Variants in GPR176 observed in about 807,000 individuals in gnomAD.
GPR176 encodes the protein G protein-coupled receptor 176.
A neutral mutation model predicts 35.4 loss-of-function variants in GPR176; 26 were observed. The observed-to-expected ratio is 0.74, with a 90% CI of 0.54 to 1.02. The LOEUF (loss-of-function observed/expected upper bound fraction) is 1.02. Among genes scored for constraint, GPR176 ranks in the 50% least tolerant of loss-of-function variants. The pLI, the probability that GPR176 is intolerant of heterozygous loss-of-function variation, is 0.00. For missense variants in GPR176, 597 were observed against 665.3 expected, an observed-to-expected ratio of 0.90 and a Z score of 1.13; for synonymous variants, 278 against 271.3, an observed-to-expected ratio of 1.02 and a Z score of -0.24.
intron 1 of GPR176, 78 bp downstream of exon 1, chr15:39,919,777 T>C: frequency 8.4e-7 from 1 of 1,188,204 alleles, no homozygotes; most frequent in Non-Finnish European, 1.1e-6. Flanking sequence ...CCACGGCGGC[T>C]GGGCGGCCCT....
intron 2 of GPR176, among the ~76,000 whole-genome samples, chr15:39,804,460 G>C (rs1899073776): frequency 6.6e-6 from 1 of 152,116 alleles, no homozygotes; most frequent in Non-Finnish European, 1.5e-5. Context: ...ATTTACAATA[G>C]CTTTTCTGCT....
intron 1 of GPR176, among the ~76,000 whole-genome samples, chr15:39,850,983 G>A (rs759284395): frequency 9.2e-5 from 14 of 152,042 alleles, no homozygotes; most frequent in Non-Finnish European, 1.8e-4. Flanking sequence ...AAGTAGATAC[G>A]GGACATATAG....
chr15:39,895,653 T>C (rs1204829520), intron 1 of GPR176, among the ~76,000 whole-genome samples: 1 of 152,176 alleles, frequency 6.6e-6, no homozygotes, highest in Non-Finnish European at 1.5e-5. Context: ...TGTAAAAGCT[T>C]ATTTTCCCTT....
chr15:39,888,783 A>C (rs2032762135), intron 1 of GPR176, among the ~76,000 whole-genome samples: 1 of 152,142 alleles, frequency 6.6e-6, no homozygotes, highest in Admixed American at 6.5e-5. Context: ...CGATTCTTAG[A>C]CACAATTTCC....
chr15:39,905,249 T>C (rs1235405935), intron 1 of GPR176, among the ~76,000 whole-genome samples: 1 of 152,188 alleles, frequency 6.6e-6, no homozygotes, highest in Non-Finnish European at 1.5e-5. Context: ...TATTATGTAC[T>C]AAATTGAGAG....
At chr15:39,891,106 A>G (rs2032856010) in intron 1 of GPR176, among the ~76,000 whole-genome samples, 1 of 152,228 alleles carries the variant, frequency 6.6e-6, no homozygotes, top group South Asian at 2.1e-4. Flanking sequence ...TTATGCTTTT[A>G]GATATTATAC....
chr15:39,810,879 A>G (rs1175343139), intron 1 of GPR176, among the ~76,000 whole-genome samples: 1 of 152,220 alleles, frequency 6.6e-6, no homozygotes, highest in East Asian at 1.9e-4. Flanking sequence ...CAGTAACCCC[A>G]TAATAGAAGA....
chr15:39,812,171 T>C (rs1420945602), intron 1 of GPR176, among the ~76,000 whole-genome samples: 1 of 152,228 alleles, frequency 6.6e-6, no homozygotes, highest in Admixed American at 6.5e-5. Context: ...TAATGGTTAA[T>C]ACTAAATGTC....
chr15:39,881,318 C>A (rs1358379012), intron 1 of GPR176, among the ~76,000 whole-genome samples: 1 of 152,214 alleles, frequency 6.6e-6, no homozygotes, highest in Non-Finnish European at 1.5e-5. Context: ...ATTTAGCATT[C>A]AATTAATGCT....
chr15:39,800,849 A>G lies in GPR176; in HGVS notation c.*283T>C. On this transcript the variant is annotated 3_prime_UTR_variant, in exon 3 of 3. Coordinates refer to ENST00000561100, the MANE Select transcript of GPR176 (RefSeq NM_007223.3). Reference sequence around the variant, plus strand: ...CTCAGAAAGTGCACATGGGGTACCCACCTCAAGACCCATTCAAAACTGCCC... The same window carrying G: ...CTCAGAAAGTGCACATGGGGTACCCGCCTCAAGACCCATTCAAAACTGCCC... 1 of 328,970 alleles carries G rather than the reference A, an allele frequency of 3.0e-6. No homozygotes were observed. Among genetic ancestry groups the G allele is most frequent in the South Asian group, 3.5e-5 (1 of 28,174 alleles). The allele number at this position is 328,970 out of a possible 1,614,324, so 20.4% of individuals were successfully genotyped here. A position where few individuals can be genotyped will look rare whatever the true frequency, so the allele number is the denominator to read the frequency against.
At chr15:39,860,542 A>G (rs1195149226) in intron 1 of GPR176, among the ~76,000 whole-genome samples, 1 of 152,198 alleles carries the variant, frequency 6.6e-6, no homozygotes, top group Non-Finnish European at 1.5e-5. Context: ...TGTTAGCTGT[A>G]ATTTTAGAGT....
intron 1 of GPR176, among the ~76,000 whole-genome samples, chr15:39,905,198 T>G (rs2033386190): frequency 6.6e-6 from 1 of 152,200 alleles, no homozygotes; most frequent in South Asian, 2.1e-4. Flanking sequence ...TTATTTTAAA[T>G]CAAGGTTGGT....
chr15:39,879,451 A>T (rs1160849780), intron 1 of GPR176, among the ~76,000 whole-genome samples: 1 of 152,202 alleles, frequency 6.6e-6, no homozygotes, highest in African/African-American at 2.4e-5. Context: ...GTCTATTGAA[A>T]TGTTCAGGCC....
intron 1 of GPR176, among the ~76,000 whole-genome samples, chr15:39,846,503 T>C (rs2030436581): frequency 6.6e-6 from 1 of 152,158 alleles, no homozygotes; most frequent in Admixed American, 6.5e-5. Context: ...GCATCTTCTA[T>C]CATAGTGGTA....
Position 39,888,340 on chromosome 15 carries a change from T to C in GPR176, c.172+31515A>G, listed in dbSNP as rs532473634. Among the ~76,000 whole-genome samples the C allele has an allele frequency of 3.9e-5, 6 of 152,268 alleles. 1 individual carries two copies. Among genetic ancestry groups the C allele is most frequent in the Non-Finnish European group, 7.4e-5 (5 of 68,022 alleles). On this transcript the variant is annotated intron_variant, in intron 1 of 2. Transcript: ENST00000561100. Reference sequence around the variant, plus strand: ...TCACCCTGTTGCTCAGGCTGGAGTGTAGCGACATGATCATAGCTCTCTGTA... The same window carrying C: ...TCACCCTGTTGCTCAGGCTGGAGTGCAGCGACATGATCATAGCTCTCTGTA...
intron 1 of GPR176, among the ~76,000 whole-genome samples, chr15:39,891,316 T>C (rs185771366): frequency 1.3e-5 from 2 of 152,350 alleles, no homozygotes; most frequent in African/African-American, 4.8e-5. Context: ...AGGGCCACTC[T>C]CAAGAGATGC....
At chr15:39,813,675 C>T (rs1899719134) in intron 1 of GPR176, 1 of 152,110 alleles carries the variant, frequency 6.6e-6, no homozygotes, top group South Asian at 2.1e-4. Flanking sequence ...TGTACGCACA[C>T]ACCTTGGTTA....
At chr15:39,847,677 A>T (rs1246014875) in intron 1 of GPR176, among the ~76,000 whole-genome samples, 1 of 124,036 alleles carries the variant, frequency 8.1e-6, no homozygotes, top group African/African-American at 3.0e-5. Context: ...TGGGATGTGG[A>T]GGTTGCAGTG....
At chr15:39,857,052 G>A (rs987150034) in intron 1 of GPR176, among the ~76,000 whole-genome samples, 5 of 152,118 alleles carry the variant, frequency 3.3e-5, no homozygotes, top group Admixed American at 1.3e-4. Flanking sequence ...ATATTTATTG[G>A]TTGAGTTTGG....
Sources: gnomAD v4.1 joint callset for allele counts (sites outside exome capture counted in the v4.1 genomes callset) on GRCh38, gnomAD v4.1.1 for gene constraint, MANE v1.5 for transcripts, NCBI Gene and HGNC (gene_info 2026-07-23, HGNC 2026-07-21) for gene names.